Variants in BMPER observed in about 807,000 individuals in gnomAD.
The protein encoded by BMPER is BMP binding endothelial regulator, also known as BMP-binding endothelial regulator protein.
BMPER carries 45 observed loss-of-function variants against 87.3 expected under a neutral mutation model. The observed-to-expected ratio is 0.52, with a 90% CI of 0.41 to 0.66. BMPER has a LOEUF of 0.66. BMPER is among the 30% of genes least tolerant of loss of function. BMPER has a pLI of 0.00. For missense variants in BMPER, 784 were observed against 867.5 expected (o/e 0.90, Z 1.21); for synonymous variants, 326 against 316.2 (o/e 1.03, Z -0.33).
intron 6 of BMPER, among the ~76,000 whole-genome samples, chr7:33,995,896 G>A (rs1290642468): frequency 6.6e-6 from 1 of 152,194 alleles, no homozygotes; most frequent in African/African-American, 2.4e-5. Flanking sequence ...GCCCTGGTGG[G>A]TGGAACATGG....
chr7:34,071,661 A>G (rs906561360), intron 11 of BMPER, among the ~76,000 whole-genome samples: 5 of 152,164 alleles, frequency 3.3e-5, no homozygotes, highest in Admixed American at 1.3e-4. Flanking sequence ...GCAAAAATGC[A>G]TCTTCTGTAT....
chr7:34,146,672 G>A (rs756557959), intron 14 of BMPER, among the ~76,000 whole-genome samples: 1 of 152,088 alleles, frequency 6.6e-6, no homozygotes, highest in East Asian at 1.9e-4. Context: ...ACTTAAAATA[G>A]TTAAGTAATT....
At chr7:34,077,166 C>A (rs1306718357) in intron 11 of BMPER, among the ~76,000 whole-genome samples, 1 of 152,114 alleles carries the variant, frequency 6.6e-6, no homozygotes, top group Non-Finnish European at 1.5e-5. Context: ...GATTCCATTT[C>A]ATGGCCAGGG....
chr7:33,908,653 T>C (rs1783879999), intron 2 of BMPER, among the ~76,000 whole-genome samples: 2 of 152,234 alleles, frequency 1.3e-5, no homozygotes. Flanking sequence ...GTAGGTTTAT[T>C]TATGTCTTCA....
At chr7:33,992,040 T>G (rs1413664083) in intron 6 of BMPER, among the ~76,000 whole-genome samples, 2 of 151,896 alleles carry the variant, frequency 1.3e-5, no homozygotes, top group East Asian at 1.9e-4. Context: ...CTTCCCAGTA[T>G]GTGGTCAATT....
At chr7:33,940,887 T>C (rs1326224535) in intron 3 of BMPER, among the ~76,000 whole-genome samples, 3 of 140,794 alleles carry the variant, frequency 2.1e-5, no homozygotes, top group Non-Finnish European at 3.0e-5. Context: ...TATTTATATA[T>C]AATAGAATTT....
In BMPER at chr7:34,112,852, A is replaced by G. The variant is rs541298123; in HGVS notation, c.1745+26760A>G. 2.0e-5 allele frequency among the ~76,000 whole-genome samples: 3 copies of G among 152,182 alleles called. No individual in the cohort carries two copies. The East Asian group carries it at 5.8e-4, about 29-fold the overall frequency. On this transcript the variant is annotated intron_variant, in intron 13 of 14. Coordinates refer to ENST00000649409, the MANE Select transcript of BMPER (RefSeq NM_001365308.1). Reference sequence around the variant, plus strand: ...CATTTAATATGAACATAGATACAACATAGTTTATCTAATCATTTTGTTAAT... The same window carrying G: ...CATTTAATATGAACATAGATACAACGTAGTTTATCTAATCATTTTGTTAAT...
At chr7:33,943,806 A>G (rs1264734104) in intron 3 of BMPER, among the ~76,000 whole-genome samples, 3 of 152,218 alleles carry the variant, frequency 2.0e-5, no homozygotes, top group African/African-American at 7.2e-5. Flanking sequence ...TCACACTGCA[A>G]CATTCACACT....
At chr7:34,067,716 A>G (rs1385258055) in intron 11 of BMPER, among the ~76,000 whole-genome samples, 1 of 152,210 alleles carries the variant, frequency 6.6e-6, no homozygotes, top group African/African-American at 2.4e-5. Flanking sequence ...TCAGGCCCAA[A>G]CAGCAGACAG....
At chr7:33,956,958 C>T (rs540379104) in intron 3 of BMPER, among the ~76,000 whole-genome samples, 68 of 152,224 alleles carry the variant, frequency 4.5e-4, no homozygotes, top group African/African-American at 1.5e-3. Flanking sequence ...CTGGCAAAGA[C>T]GTGGAAAATC....
intron 6 of BMPER, among the ~76,000 whole-genome samples, chr7:34,003,591 T>C (rs948451829): frequency 6.6e-6 from 1 of 152,098 alleles, no homozygotes; most frequent in Non-Finnish European, 1.5e-5. Flanking sequence ...GTCCGTTTAG[T>C]ATTTTTATGT....
At chr7:34,063,970 A>G (rs889460410) in intron 11 of BMPER, among the ~76,000 whole-genome samples, 5 of 152,372 alleles carry the variant, frequency 3.3e-5, no homozygotes, top group African/African-American at 1.2e-4. Flanking sequence ...GTCAGGCAGG[A>G]TCACTGCTTA....
At chr7:33,905,767 G>GGGGC in intron 1 of BMPER, 21 bp downstream of exon 1, 4 of 914,070 alleles carry the variant, frequency 4.4e-6, no homozygotes, top group Non-Finnish European at 6.6e-6. Context: ...GGGCGGGAGG[G>GGGGC]ACCGGCCCTC....
intron 6 of BMPER, among the ~76,000 whole-genome samples, chr7:34,000,246 G>A (rs1014752075): frequency 6.6e-6 from 1 of 152,116 alleles, no homozygotes; most frequent in African/African-American, 2.4e-5. Flanking sequence ...ATGTTTTAGT[G>A]TGGGAGTGCA....
intron 13 of BMPER, among the ~76,000 whole-genome samples, chr7:34,096,077 T>A (rs1475689232): frequency 6.6e-6 from 1 of 152,204 alleles, no homozygotes; most frequent in East Asian, 1.9e-4. Context: ...GTGGCTCTTG[T>A]GCGAACAGGC....
intron 11 of BMPER, among the ~76,000 whole-genome samples, chr7:34,064,328 A>G (rs1788520146): frequency 6.6e-6 from 1 of 152,146 alleles, no homozygotes; most frequent in Non-Finnish European, 1.5e-5. Context: ...GAAGCAGTCT[A>G]AATCTTGAAT....
intron 13 of BMPER, among the ~76,000 whole-genome samples, chr7:34,137,053 G>A (rs1243574387): frequency 6.6e-6 from 1 of 152,220 alleles, no homozygotes; most frequent in Non-Finnish European, 1.5e-5. Flanking sequence ...TTGATGTTTT[G>A]ATTTTAGCAG....
intron 1 of BMPER, 34 bp downstream of exon 1, chr7:33,905,780 GGACGCCGGT>G: frequency 6.3e-7 from 1 of 1,579,682 alleles, no homozygotes; most frequent in Non-Finnish European, 8.6e-7. Flanking sequence ...CGGCCCTCCG[GGACGCCGGT>G]TTGGTACCTG....
intron 11 of BMPER, among the ~76,000 whole-genome samples, chr7:34,077,917 T>A: frequency 7.3e-6 from 1 of 136,142 alleles, no homozygotes; most frequent in Admixed American, 7.0e-5. Flanking sequence ...GTGCTTTTTA[T>A]TTTTTTTTTA....
Sources: gnomAD v4.1 joint callset for allele counts (sites outside exome capture counted in the v4.1 genomes callset) on GRCh38, gnomAD v4.1.1 for gene constraint, MANE v1.5 for transcripts, NCBI Gene and HGNC (gene_info 2026-07-23, HGNC 2026-07-21) for gene names.